Variants in NCOA1 observed in about 807,000 individuals in gnomAD.
NCOA1 encodes nuclear receptor coactivator 1.
Under a neutral mutation model 150.9 loss-of-function variants are expected in NCOA1, and 35 were observed. The observed-to-expected ratio is 0.23, with a 90% CI of 0.18 to 0.31. The LOEUF is 0.31. Ranked by LOEUF, NCOA1 falls within the 10% of genes least tolerant of loss-of-function variation. The pLI, the probability that NCOA1 is intolerant of heterozygous loss-of-function variation, is 1.00. For synonymous variants in NCOA1, 590 were observed against 630.0 expected (o/e 0.94, Z 0.95); for missense variants, 1,491 against 1,749.3 (o/e 0.85, Z 2.63).
intron 1 of NCOA1, among the ~76,000 whole-genome samples, chr2:24,525,295 T>A (rs1421975552): frequency 6.6e-6 from 1 of 152,074 alleles, no homozygotes. Context: ...AGTTAAAGAT[T>A]AGGTTGAATT....
chr2:24,741,679 T>C, intron 18 of NCOA1, 105 bp from the exon 19 acceptor site: 1 of 1,235,580 alleles, frequency 8.1e-7, no homozygotes, highest in South Asian at 1.6e-5. Flanking sequence ...TGATAATTGC[T>C]ATGTACTTTA....
chr2:24,692,152 G>C (rs898743494), intron 9 of NCOA1, among the ~76,000 whole-genome samples: 2 of 152,176 alleles, frequency 1.3e-5, no homozygotes, highest in African/African-American at 4.8e-5. Context: ...TGTCAACATG[G>C]AATTAGTTAA....
rs984666299 is a variant in NCOA1 at position 24,580,138 on chromosome 2, C to T, written c.-259-4338C>T. 7.9e-5 allele frequency among the ~76,000 whole-genome samples: 12 copies of T among 152,066 alleles called. 1 individual carries two copies. The highest frequency in any genetic ancestry group is 7.9e-4 in the Admixed American group (12 of 15,268). On this transcript the variant is annotated intron_variant, in intron 2 of 22. Coordinates refer to ENST00000348332, the MANE Select transcript of NCOA1 (RefSeq NM_003743.5). Reference sequence around the variant, plus strand: ...TTATTTTCTCTTATAGGTAAATTATCATTTCTCTCTTACTGTTTTTATTAC... The same window carrying T: ...TTATTTTCTCTTATAGGTAAATTATTATTTCTCTCTTACTGTTTTTATTAC...
rs1386665836 is a variant in NCOA1, at chr2:24,491,499, C to CGCG, written c.-495_-493dup. 8.2e-5 allele frequency among the ~76,000 whole-genome samples: 12 copies of CGCG among 145,826 alleles called. No individual in the cohort carries two copies. Among genetic ancestry groups the CGCG allele is most frequent in the South Asian group, 4.2e-4 (2 of 4,780 alleles). Reference sequence around the variant, plus strand: ...GCTCCGGAGGAGGGGGCCGGAGAGCCGCGGCGCCGGGCCCGAGGAGCGGCG... The same window carrying CGCG: ...GCTCCGGAGGAGGGGGCCGGAGAGCCGCGGCGGCGCCGGGCCCGAGGAGCGGCG... On this transcript the variant is annotated 5_prime_UTR_variant, in exon 1 of 23. Coordinates refer to ENST00000348332, the MANE Select transcript of NCOA1 (RefSeq NM_003743.5).
intron 1 of NCOA1, among the ~76,000 whole-genome samples, chr2:24,540,289 T>C (rs998416610): frequency 2.0e-5 from 3 of 152,220 alleles, no homozygotes; most frequent in African/African-American, 7.2e-5. Context: ...ATAGGGAATT[T>C]ATTATATCCT....
At position 24,550,578 on chromosome 2, in the gene NCOA1, C is replaced by G. The variant is rs578047686; in HGVS notation, c.-395-13717C>G. On this transcript the variant is annotated intron_variant, in intron 1 of 22. Coordinates refer to ENST00000348332, the MANE Select transcript of NCOA1 (RefSeq NM_003743.5). ...CTGCCCCTATGATTCAGTTACCTCC[C>G]TTCAGGTCCTTTTAACAGCACATGG... Among the ~76,000 whole-genome samples, 8 of 152,334 alleles carry G rather than the reference C, an allele frequency of 5.3e-5. No homozygotes were observed. The East Asian group carries it at 1.5e-3, about 29-fold the overall frequency.
At chr2:24,612,513 A>C (rs1439974771) in intron 3 of NCOA1, among the ~76,000 whole-genome samples, 1 of 152,180 alleles carries the variant, frequency 6.6e-6, no homozygotes, top group Non-Finnish European at 1.5e-5. Flanking sequence ...TCTCCATCTC[A>C]GGAATGCCAG....
chr2:24,499,986 A>T (rs1206227921), intron 1 of NCOA1, among the ~76,000 whole-genome samples: 1 of 152,254 alleles, frequency 6.6e-6, no homozygotes, highest in Admixed American at 6.5e-5. Context: ...TTAAACCTTG[A>T]TAGCATACAA....
chr2:24,525,625 C>T (rs1204403557), intron 1 of NCOA1, among the ~76,000 whole-genome samples: 1 of 151,524 alleles, frequency 6.6e-6, no homozygotes, highest in South Asian at 2.1e-4. Context: ...TGGCTCACTG[C>T]GGCCTCTGCC....
At chr2:24,640,234 A>G (rs533055602) in intron 3 of NCOA1, among the ~76,000 whole-genome samples, 1 of 151,174 alleles carries the variant, frequency 6.6e-6, no homozygotes, top group Admixed American at 6.6e-5. Flanking sequence ...ATGGTTCACC[A>G]TTTGTTTCAT....
chr2:24,492,559 G>C (rs1663023825), intron 1 of NCOA1, among the ~76,000 whole-genome samples: 1 of 152,220 alleles, frequency 6.6e-6, no homozygotes, highest in South Asian at 2.1e-4. Flanking sequence ...GTTGTGTCCG[G>C]AGAGTTTCAT....
In NCOA1 at chr2:24,741,791, T is replaced by C; in HGVS notation, c.3311T>C (p.Leu1104Pro). Residue 1104 changes from leucine (L) to proline (P), a missense_variant, in exon 19 of 23, where the codon CTG (leucine) becomes CCG (proline). This residue lies in a region of NCOA1 where 485 missense variants were observed against 522.8 expected (regional missense o/e 0.93). Coordinates refer to ENST00000348332, the MANE Select transcript of NCOA1 (RefSeq NM_003743.5). ...MQQQITPQPP[L>P]NAQMLAQRQR... ...TTTTTTCCTGCTTTTCAGCCACCCC[T>C]GAATGCTCAAATGTTGGCACAACGT... 6.2e-7 allele frequency: 1 copy of C among 1,612,280 alleles called. No individual in the cohort carries two copies. The highest frequency in any genetic ancestry group is 1.3e-5 in the African/African-American group (1 of 74,998).
At chr2:24,545,036 T>C (rs1199091734) in intron 1 of NCOA1, among the ~76,000 whole-genome samples, 2 of 152,148 alleles carry the variant, frequency 1.3e-5, no homozygotes, top group Non-Finnish European at 2.9e-5. Flanking sequence ...TAAATACAGA[T>C]ATGTATGTAT....
intron 3 of NCOA1, among the ~76,000 whole-genome samples, chr2:24,602,869 T>C (rs1668190707): frequency 1.3e-5 from 2 of 152,222 alleles, no homozygotes; most frequent in Non-Finnish European, 2.9e-5. Flanking sequence ...TCTCAACTTA[T>C]TCCTCTTCCT....
intron 17 of NCOA1, among the ~76,000 whole-genome samples, chr2:24,735,297 T>C (rs1477011437): frequency 1.3e-5 from 2 of 152,140 alleles, no homozygotes. Context: ...TGTAATCTGC[T>C]ATTCATAATA....
intron 13 of NCOA1, among the ~76,000 whole-genome samples, chr2:24,708,930 A>G (rs367927080): frequency 1.3e-5 from 2 of 152,096 alleles, no homozygotes; most frequent in South Asian, 4.2e-4. Context: ...ATCCTTCACA[A>G]ACCAATTCAA....
At chr2:24,524,018 A>G (rs1664550440) in intron 1 of NCOA1, among the ~76,000 whole-genome samples, 1 of 151,792 alleles carries the variant, frequency 6.6e-6, no homozygotes, top group Admixed American at 6.6e-5. Flanking sequence ...TTGTGAAGAA[A>G]TCCACTTATG....
intron 22 of NCOA1, 80 bp downstream of exon 22, chr2:24,762,856 C>A: frequency 7.7e-6 from 10 of 1,297,266 alleles, no homozygotes; most frequent in Non-Finnish European, 1.0e-5. Context: ...TCATTAAGAG[C>A]CTGACCTTGG....
intron 3 of NCOA1, among the ~76,000 whole-genome samples, chr2:24,634,303 A>G (rs1157042868): frequency 2.0e-5 from 3 of 152,188 alleles, no homozygotes; most frequent in African/African-American, 7.2e-5. Flanking sequence ...ATATATCACA[A>G]TGTTACTGTT....
Sources: gnomAD v4.1 joint callset for allele counts (sites outside exome capture counted in the v4.1 genomes callset) on GRCh38, gnomAD v4.1.1 for gene constraint, gnomAD v4.1.1 regional missense constraint, MANE v1.5 for transcripts, NCBI Gene and HGNC (gene_info 2026-07-23, HGNC 2026-07-21) for gene names.